The following SLC4A10 variants were observed in gnomAD, a reference collection of about 807,000 sequenced individuals.
SLC4A10 encodes solute carrier family 4 member 10, also known as sodium-driven chloride bicarbonate exchanger.
Under a neutral mutation model 137.7 loss-of-function variants are expected in SLC4A10, and 42 were observed. The observed-to-expected ratio is 0.30, with a 90% CI of 0.24 to 0.39. The LOEUF (loss-of-function observed/expected upper bound fraction) is 0.39. Among genes scored for constraint, SLC4A10 ranks in the 10% least tolerant of loss-of-function variants. SLC4A10 has a pLI of 1.00. For missense variants in SLC4A10, 925 were observed against 1,355.0 expected, an observed-to-expected ratio of 0.68 and a Z score of 4.98; for synonymous variants, 474 against 464.1, an observed-to-expected ratio of 1.02 and a Z score of -0.27.
chr2:161,901,253 A>C, intron 12 of SLC4A10: 1 of 378,150 alleles, frequency 2.6e-6, no homozygotes. Flanking sequence ...CTGTGCATAA[A>C]ATGCATTCTC....
intron 3 of SLC4A10, among the ~76,000 whole-genome samples, chr2:161,817,284 A>G (rs1448757657): frequency 6.6e-6 from 1 of 152,188 alleles, no homozygotes; most frequent in African/African-American, 2.4e-5. Flanking sequence ...TCTTCTTTTG[A>G]GAAGTGTCTG....
At chr2:161,726,152 A>C (rs777781491) in intron 1 of SLC4A10, among the ~76,000 whole-genome samples, 13 of 152,182 alleles carry the variant, frequency 8.5e-5, no homozygotes, top group Non-Finnish European at 1.5e-4. Context: ...GAGATTTCTG[A>C]AGCTCATTGA....
chr2:161,672,335 A>G (rs1046271152), intron 1 of SLC4A10, among the ~76,000 whole-genome samples: 1 of 152,132 alleles, frequency 6.6e-6, no homozygotes, highest in Non-Finnish European at 1.5e-5. Context: ...TGACTTTCAA[A>G]ATTTAATGTT....
intron 1 of SLC4A10, among the ~76,000 whole-genome samples, chr2:161,687,089 G>T (rs527488688): frequency 5.3e-5 from 8 of 152,218 alleles, no homozygotes; most frequent in Admixed American, 1.3e-4. Context: ...TGCCATGTTG[G>T]CCAGACTGGT....
intron 15 of SLC4A10, among the ~76,000 whole-genome samples, chr2:161,929,877 T>C (rs190435329): frequency 7.1e-4 from 108 of 152,346 alleles, no homozygotes; most frequent in African/African-American, 2.2e-3. Context: ...GTATCCATTC[T>C]GGTTTTTAAT....
chr2:161,818,159 G>A (rs1575112889), intron 3 of SLC4A10, among the ~76,000 whole-genome samples: 1 of 152,198 alleles, frequency 6.6e-6, no homozygotes, highest in East Asian at 1.9e-4. Context: ...ATTTCATTGA[G>A]CAGTGGTTTG....
chr2:161,879,424 T>G (rs1259571165), intron 9 of SLC4A10, 136 bp downstream of exon 9: 12 of 927,476 alleles, frequency 1.3e-5, no homozygotes, highest in Non-Finnish European at 1.5e-5. Flanking sequence ...CTATTAATTT[T>G]TGTTTGTGGA....
At chr2:161,881,821 A>G (rs945875066) in intron 9 of SLC4A10, among the ~76,000 whole-genome samples, 1 of 152,078 alleles carries the variant, frequency 6.6e-6, no homozygotes, top group African/African-American at 2.4e-5. Flanking sequence ...ATAATAGATC[A>G]TTAACTCCCC....
At chr2:161,780,437 C>G (rs1293277694) in intron 2 of SLC4A10, among the ~76,000 whole-genome samples, 3 of 151,964 alleles carry the variant, frequency 2.0e-5, no homozygotes, top group Non-Finnish European at 2.9e-5. Flanking sequence ...CAAGTATGCC[C>G]TTATAAGACT....
intron 3 of SLC4A10, among the ~76,000 whole-genome samples, chr2:161,805,429 A>G (rs1219601903): frequency 6.6e-6 from 1 of 152,196 alleles, no homozygotes; most frequent in African/African-American, 2.4e-5. Flanking sequence ...GCTTTAATTC[A>G]AAAGTCTATA....
intron 1 of SLC4A10, chr2:161,708,719 T>A (rs2043954520): frequency 2.0e-6 from 3 of 1,528,464 alleles, no homozygotes; most frequent in African/African-American, 1.4e-5. Context: ...GACATAGAGA[T>A]GGCTGTGATT....
chr2:161,737,404 A>G (rs1428978842), intron 1 of SLC4A10, among the ~76,000 whole-genome samples: 3 of 151,874 alleles, frequency 2.0e-5, no homozygotes, highest in Non-Finnish European at 4.4e-5. Context: ...ACTTTTTATA[A>G]ATACTTTATA....
intron 1 of SLC4A10, among the ~76,000 whole-genome samples, chr2:161,769,183 G>A (rs1247290244): frequency 2.0e-5 from 3 of 151,802 alleles, no homozygotes; most frequent in Admixed American, 6.6e-5. Flanking sequence ...CTTGAGTGAC[G>A]ACATTACATC....
At chr2:161,660,878 T>C (rs2105704074) in intron 1 of SLC4A10, among the ~76,000 whole-genome samples, 1 of 151,660 alleles carries the variant, frequency 6.6e-6, no homozygotes, top group South Asian at 2.1e-4. Flanking sequence ...GCCAGGATGG[T>C]CTAGATCTCC....
chr2:161,864,060 G>T (rs970819240), intron 6 of SLC4A10, among the ~76,000 whole-genome samples: 1 of 151,982 alleles, frequency 6.6e-6, no homozygotes, highest in Non-Finnish European at 1.5e-5. Flanking sequence ...AAATTAGCCG[G>T]GCGTGGTAGT....
chr2:161,946,162 C>T (rs1693765765), intron 16 of SLC4A10, among the ~76,000 whole-genome samples: 1 of 151,956 alleles, frequency 6.6e-6, no homozygotes, highest in African/African-American at 2.4e-5. Flanking sequence ...AGCCAAGTTG[C>T]TGTGCTCTGT....
At chr2:161,679,203 C>T (rs1419114122) in intron 1 of SLC4A10, among the ~76,000 whole-genome samples, 1 of 152,058 alleles carries the variant, frequency 6.6e-6, no homozygotes, top group Non-Finnish European at 1.5e-5. Context: ...GACTCTTGTA[C>T]TCTAGGTTGT....
chr2:161,742,439 C>CTTTTTTTTTTTTTTTTTTTTTTTCTTTTT (rs35953656), intron 1 of SLC4A10, among the ~76,000 whole-genome samples: 1 of 82,564 alleles, frequency 1.2e-5, no homozygotes, highest in Non-Finnish European at 2.1e-5. Context: ...TTCTTTCTTT[C>CTTTTTTTTTTTTTTTTTTTTTTTCTTTTT]TTTTTTTTTT....
In SLC4A10 at chr2:161,974,289, T is replaced by A. The variant is rs1699033805; in HGVS notation, c.3200T>A (p.Val1067Glu). 6.2e-7 allele frequency: 1 copy of A among 1,608,130 alleles called. No individual in the cohort carries two copies. Among genetic ancestry groups the A allele is most frequent in the South Asian group, 1.1e-5 (1 of 89,292 alleles). The part of the protein sequence containing the change: ...SMLAMEDEGT[V>E]QLPLEGHYRD... ...CTAGCTATGGAAGATGAGGGCACAGTACAACTCCCATTGGAAGGGCACTAT... is the reference window on the plus strand; with the variant it reads ...CTAGCTATGGAAGATGAGGGCACAGAACAACTCCCATTGGAAGGGCACTAT... The change falls in exon 24 of 27, where the codon GTA becomes GAA. Residue 1067 changes from valine (V) to glutamate (E), a missense_variant. Around this residue, in one of 11 missense-constraint regions of SLC4A10, gnomAD observed 84 missense variants for 76.9 expected, o/e 1.09. Transcript: ENST00000446997.
Sources: gnomAD v4.1 joint callset for allele counts (sites outside exome capture counted in the v4.1 genomes callset) on GRCh38, gnomAD v4.1.1 for gene constraint, gnomAD v4.1.1 regional missense constraint, MANE v1.5 for transcripts, NCBI Gene and HGNC (gene_info 2026-07-23, HGNC 2026-07-21) for gene names.